Variants in ZBTB7C observed in about 807,000 individuals in gnomAD.
ZBTB7C encodes the protein zinc finger and BTB domain containing 7C.
ZBTB7C carries 8 observed loss-of-function variants against 25.7 expected under a neutral mutation model. That is an observed-to-expected ratio of 0.31 (90% confidence interval 0.18 to 0.56). The LOEUF is 0.56. Among genes scored for constraint, ZBTB7C ranks in the 20% least tolerant of loss-of-function variants. ZBTB7C has a pLI of 0.91. For synonymous variants in ZBTB7C, 394 were observed against 369.0 expected, an observed-to-expected ratio of 1.07 and a Z score of -0.78; for missense variants, 824 against 855.2, an observed-to-expected ratio of 0.96 and a Z score of 0.46.
intron 3 of ZBTB7C, among the ~76,000 whole-genome samples, chr18:48,170,919 C>T (rs1236277436): frequency 6.6e-6 from 1 of 152,150 alleles, no homozygotes; most frequent in Non-Finnish European, 1.5e-5. Context: ...CAGGACTAGC[C>T]CTCCCCCTGC....
intron 2 of ZBTB7C, among the ~76,000 whole-genome samples, chr18:48,332,957 AGGG>A (rs1442950476): frequency 2.6e-5 from 4 of 152,208 alleles, no homozygotes; most frequent in South Asian, 2.1e-4. Flanking sequence ...TTGTTTTACC[AGGG>A]GTCTCTAGTG....
Position 48,218,311 on chromosome 18 carries a change from T to G in ZBTB7C, c.-78-32316A>C, listed in dbSNP as rs1020316697. ...CGCTGAATCAAAAGGAATGTGACTG[T>G]GCCTCTGCTGGCTCGAGAGGCTGGT... is the stretch of plus-strand genomic sequence containing the variant. On this transcript the variant is annotated intron_variant, in intron 2 of 4. Coordinates refer to ENST00000590800, the MANE Select transcript of ZBTB7C (RefSeq NM_001318841.2). 1.3e-4 allele frequency among the ~76,000 whole-genome samples: 20 copies of G among 152,200 alleles called. 1 individual carries two copies. The highest frequency in any genetic ancestry group is 9.2e-4 in the Admixed American group (14 of 15,286).
At chr18:48,258,846 C>T (rs9967105) in intron 2 of ZBTB7C, among the ~76,000 whole-genome samples, 77,439 of 151,810 alleles carry the variant, frequency 0.51, 21,744 homozygotes, top group East Asian at 0.67. Flanking sequence ...TTAGTAGAGA[C>T]GGGTTTTGCT....
At chr18:48,114,633 A>C (rs1654008093) in intron 3 of ZBTB7C, among the ~76,000 whole-genome samples, 1 of 152,196 alleles carries the variant, frequency 6.6e-6, no homozygotes, top group Non-Finnish European at 1.5e-5. Flanking sequence ...AGAAGAAAAG[A>C]AAATGTGCAA....
At chr18:48,405,534 C>T (rs921210897) in intron 1 of ZBTB7C, among the ~76,000 whole-genome samples, 7 of 152,168 alleles carry the variant, frequency 4.6e-5, no homozygotes, top group African/African-American at 1.7e-4. Flanking sequence ...TAGTATCTGA[C>T]AAAAAGTACA....
intron 3 of ZBTB7C, among the ~76,000 whole-genome samples, chr18:48,163,119 T>C (rs1178718999): frequency 6.6e-6 from 1 of 152,194 alleles, no homozygotes; most frequent in East Asian, 1.9e-4. Flanking sequence ...GATGTCAGCA[T>C]CTGCTTTATT....
At chr18:48,121,208 G>T (rs977547310) in intron 3 of ZBTB7C, among the ~76,000 whole-genome samples, 3 of 152,176 alleles carry the variant, frequency 2.0e-5, no homozygotes, top group Non-Finnish European at 4.4e-5. Context: ...GTGGGTAGGG[G>T]AGGAAGAGGA....
chr18:48,376,312 G>A (rs1047561925), intron 1 of ZBTB7C, among the ~76,000 whole-genome samples: 7 of 152,140 alleles, frequency 4.6e-5, no homozygotes, highest in Admixed American at 6.5e-5. Context: ...TAGAGTCTGC[G>A]ACAGAAAAGA....
chr18:48,387,914 C>T (rs1349529188), intron 1 of ZBTB7C, among the ~76,000 whole-genome samples: 1 of 152,148 alleles, frequency 6.6e-6, no homozygotes, highest in African/African-American at 2.4e-5. Flanking sequence ...GCAACCTCCG[C>T]TTCCTGGGTT....
At chr18:48,294,384 G>A (rs896812008) in intron 2 of ZBTB7C, among the ~76,000 whole-genome samples, 1 of 150,932 alleles carries the variant, frequency 6.6e-6, no homozygotes, top group Admixed American at 6.6e-5. Context: ...TCCTAGGTGA[G>A]TTTTTTTCTG....
chr18:48,077,676 C>T (rs2037824076), intron 3 of ZBTB7C, among the ~76,000 whole-genome samples: 2 of 152,106 alleles, frequency 1.3e-5, no homozygotes, highest in African/African-American at 4.8e-5. Flanking sequence ...GTAAGTGAGC[C>T]CCCAAAGGTG....
intron 1 of ZBTB7C, among the ~76,000 whole-genome samples, chr18:48,340,471 T>C (rs1470956917): frequency 6.6e-6 from 1 of 152,184 alleles, no homozygotes; most frequent in Non-Finnish European, 1.5e-5. Context: ...AGGCTGTCCA[T>C]GGATCCTTGT....
intron 2 of ZBTB7C, among the ~76,000 whole-genome samples, chr18:48,319,797 C>T (rs566717336): frequency 6.6e-6 from 1 of 152,038 alleles, no homozygotes; most frequent in South Asian, 2.1e-4. Flanking sequence ...CAAGTAAATA[C>T]ATAATTAAAT....
chr18:48,089,093 C>G (rs1217113942), intron 3 of ZBTB7C, among the ~76,000 whole-genome samples: 1 of 152,150 alleles, frequency 6.6e-6, no homozygotes, highest in African/African-American at 2.4e-5. Context: ...AGACAAAGCC[C>G]TAAACTAATT....
intron 2 of ZBTB7C, among the ~76,000 whole-genome samples, chr18:48,199,474 T>C (rs1434135217): frequency 6.6e-6 from 1 of 152,222 alleles, no homozygotes; most frequent in Non-Finnish European, 1.5e-5. Flanking sequence ...TGGATGTTTC[T>C]TTTTTATAAC....
chr18:48,385,229 C>A (rs930787438), intron 1 of ZBTB7C, among the ~76,000 whole-genome samples: 9 of 152,232 alleles, frequency 5.9e-5, no homozygotes, highest in Admixed American at 3.3e-4. Context: ...TACCTTATTC[C>A]GTCTTTACTA....
At chr18:48,353,017 G>A (rs1225702218) in intron 1 of ZBTB7C, among the ~76,000 whole-genome samples, 1 of 152,176 alleles carries the variant, frequency 6.6e-6, no homozygotes, top group African/African-American at 2.4e-5. Flanking sequence ...TCAGAAAGGA[G>A]ATGAGAAAAT....
At position 48,040,011 on chromosome 18, in the gene ZBTB7C, C is replaced by T; in HGVS notation, c.1097G>A (p.Cys366Tyr). The T allele has an allele frequency of 1.2e-6, 2 of 1,614,098 alleles. No individual in the cohort carries two copies. The highest frequency in any genetic ancestry group is 1.7e-6 in the Non-Finnish European group (2 of 1,180,034). Residue 366 changes from cysteine to tyrosine, a missense_variant, in exon 4 of 5, where the codon TGC (cysteine) becomes TAC (tyrosine). Physicochemically the swap from Cys to Tyr is radical, Grantham distance 194 (BLOSUM62 -2). This residue lies in a region of ZBTB7C where 49 missense variants were observed against 81.3 expected (regional missense o/e 0.60). Coordinates refer to ENST00000590800, the MANE Select transcript of ZBTB7C (RefSeq NM_001318841.2). ...RKLKPKASQQ[C>Y]PICHKVIMGA... ...CATGATGACTTTGTGGCAGATGGGG[C>T]ACTGCTGAGAGGCCTTGGGCTTCAG... is the stretch of plus-strand genomic sequence containing the variant.
In ZBTB7C at chr18:48,084,841, G is replaced by A. The variant is rs957277915; in HGVS notation, c.-16-43718C>T. On this transcript the variant is annotated intron_variant, in intron 3 of 4. Coordinates refer to ENST00000590800, the MANE Select transcript of ZBTB7C (RefSeq NM_001318841.2). The stretch of plus-strand genomic sequence containing the variant: ...GCTGCTTGTATGGGGTATGGTATCT[G>A]GGAGCCAGAGAGGGACTCTGTCACC... Among the ~76,000 whole-genome samples the A allele has an allele frequency of 5.9e-5, 9 of 152,148 alleles. No individual in the cohort carries two copies. The East Asian group carries it at 7.7e-4, about 13-fold the overall frequency.
Sources: allele counts gnomAD v4.1 joint callset (sites outside exome capture counted in the v4.1 genomes callset), GRCh38; gene constraint gnomAD v4.1.1; regional missense constraint gnomAD v4.1.1; transcripts MANE v1.5; gene names NCBI Gene and HGNC (gene_info 2026-07-23, HGNC 2026-07-21).